The following ABCC6 variants were observed in gnomAD, a reference collection of about 807,000 sequenced individuals.
ABCC6 encodes the protein ATP binding cassette subfamily C member 6, also known as ATP-binding cassette sub-family C member 6.
Under a neutral mutation model 169.5 loss-of-function variants are expected in ABCC6, and 126 were observed. The ratio of observed to expected loss-of-function variants is 0.74; its 90% confidence interval spans 0.64 to 0.86. The LOEUF (loss-of-function observed/expected upper bound fraction) is 0.86, where lower values mean the gene tolerates loss of function less well. Among genes scored for constraint, ABCC6 ranks in the 40% least tolerant of loss-of-function variants. The pLI, the probability that ABCC6 is intolerant of heterozygous loss-of-function variation, is 0.00. For missense variants in ABCC6, 1,733 were observed against 1,927.2 expected (o/e 0.90, Z 1.89); for synonymous variants, 752 against 814.7 (o/e 0.92, Z 1.31).
At chr16:16,159,737 G>A (rs1034126745) in intron 25 of ABCC6, among the ~76,000 whole-genome samples, 154 bp from the exon 26 acceptor site, 2 of 152,210 alleles carry the variant, frequency 1.3e-5, no homozygotes, top group Non-Finnish European at 2.9e-5. Flanking sequence ...GGGCCCAGGG[G>A]ATTGGGATTT....
At chr16:16,173,435 A>C in intron 20 of ABCC6, 31 bp from the exon 21 acceptor site, 1 of 1,614,022 alleles carries the variant, frequency 6.2e-7, no homozygotes, top group Non-Finnish European at 8.5e-7. Context: ...AGACAAAGTC[A>C]GTATCTCTCC....
chr16:16,165,772 C>A lies in ABCC6; in HGVS notation c.3157G>T (p.Asp1053Tyr), dbSNP rs1328285046. 1 of 1,613,728 alleles carries A rather than the reference C, an allele frequency of 6.2e-7. No homozygotes were observed. Among genetic ancestry groups the A allele is most frequent in the Non-Finnish European group, 8.5e-7 (1 of 1,180,060 alleles). ...TCTGGAATGTCCACGTCAACCGTGTCTGTCTCCTTGGAGAAGCGGTTTAGC... is the reference window on the plus strand; with the variant it reads ...TCTGGAATGTCCACGTCAACCGTGTATGTCTCCTTGGAGAAGCGGTTTAGC... Reference protein sequence around the residue: ...HLLNRFSKETDTVDVDIPDKL... With the variant: ...HLLNRFSKETYTVDVDIPDKL... The change falls in exon 23 of 31, where the codon GAC becomes TAC. Residue 1053 changes from aspartate (D) to tyrosine (Y), a missense_variant. Physicochemically the swap from Asp to Tyr is radical, Grantham distance 160 (BLOSUM62 -3). This residue lies in a region of ABCC6 where 1,601 missense variants were observed against 1,635.5 expected (regional missense o/e 0.98). Coordinates refer to ENST00000205557, the MANE Select transcript of ABCC6 (RefSeq NM_001171.6).
chr16:16,213,533 C>G (rs4238626), intron 5 of ABCC6, among the ~76,000 whole-genome samples: 38 of 151,494 alleles, frequency 2.5e-4, no homozygotes, highest in Admixed American at 1.5e-3. Flanking sequence ...GAGCACTTAC[C>G]CCAAGGGTAA....
At chr16:16,179,606 T>C (rs550343538) in intron 17 of ABCC6, among the ~76,000 whole-genome samples, 1 of 152,294 alleles carries the variant, frequency 6.6e-6, no homozygotes, top group East Asian at 1.9e-4. Flanking sequence ...TTGTTATTAT[T>C]GAGATGGAGT....
chr16:16,150,572 C>G lies in ABCC6; in HGVS notation c.4403+6G>C. 1 of 1,606,290 alleles carries G rather than the reference C, an allele frequency of 6.2e-7. No homozygotes were observed. Among genetic ancestry groups the G allele is most frequent in the South Asian group, 1.1e-5 (1 of 90,914 alleles). On this transcript the variant is annotated splice_donor_region_variant and intron_variant, in intron 30 of 30. Coordinates refer to ENST00000205557, the MANE Select transcript of ABCC6 (RefSeq NM_001171.6). ...CTGTGAGGTCAGGCCGGGGCGGGAG[C>G]CTTACCGGGCACAGTCCATCACGGA...
intron 15 of ABCC6, among the ~76,000 whole-genome samples, chr16:16,183,132 G>A (rs2047536099): frequency 1.3e-5 from 2 of 152,144 alleles, no homozygotes; most frequent in Admixed American, 6.5e-5. Flanking sequence ...TGCACACAAA[G>A]CGTGCACACA....
intron 7 of ABCC6, 55 bp downstream of exon 7, chr16:16,208,673 A>G (rs1469490629): frequency 3.7e-6 from 6 of 1,612,982 alleles, no homozygotes; most frequent in Non-Finnish European, 5.1e-6. Context: ...CACCCGGCCA[A>G]TGATGAGCTT....
At chr16:16,190,067 G>A (rs2047794819) in intron 12 of ABCC6, 97 bp downstream of exon 12, 5 of 1,295,068 alleles carry the variant, frequency 3.9e-6, no homozygotes, top group South Asian at 1.2e-5. Context: ...TGATGGACGG[G>A]GTGGTAGGAT....
chr16:16,203,674 G>T, intron 7 of ABCC6, 61 bp from the exon 8 acceptor site: 1 of 1,593,726 alleles, frequency 6.3e-7, no homozygotes, highest in South Asian at 1.1e-5. Flanking sequence ...GCCAGCGGCA[G>T]GGCCAGGCAT....
intron 29 of ABCC6, among the ~76,000 whole-genome samples, chr16:16,153,273 G>C (rs2152210465): frequency 6.6e-6 from 1 of 152,324 alleles, no homozygotes; most frequent in South Asian, 2.1e-4. Flanking sequence ...AAACGGCCAA[G>C]AGGTGGAAAC....
At chr16:16,168,308 C>T (rs745543690) in intron 22 of ABCC6, among the ~76,000 whole-genome samples, 3 of 7,060 alleles carry the variant, frequency 4.2e-4, no homozygotes, top group African/African-American at 6.6e-4. Context: ...CTGGGCAACA[C>T]GGCGAAACCG....
chr16:16,196,781 A>T (rs2048052032), intron 10 of ABCC6, among the ~76,000 whole-genome samples: 1 of 152,172 alleles, frequency 6.6e-6, no homozygotes, highest in Non-Finnish European at 1.5e-5. Flanking sequence ...AGCTCACTGC[A>T]ACTTCCACCT....
At chr16:16,210,173 G>T (rs1426629295) in intron 6 of ABCC6, among the ~76,000 whole-genome samples, 2 of 151,918 alleles carry the variant, frequency 1.3e-5, no homozygotes, top group Middle Eastern at 3.2e-3. Context: ...ATCTCACTCT[G>T]TTGCTCAGGC....
chr16:16,178,783 T>C lies in ABCC6; in HGVS notation c.2415+15A>G, dbSNP rs1173997963. On this transcript the variant is annotated intron_variant, in intron 18 of 30. Transcript: ENST00000205557. ...CCTTTGCCCTGTACTGTCTGACACA[T>C]GTTCCCAAACTTACTGTTCCCTGGA... 6.2e-7 allele frequency: 1 copy of C among 1,613,864 alleles called. No individual in the cohort carries two copies. The highest frequency in any genetic ancestry group is 8.5e-7 in the Non-Finnish European group (1 of 1,180,006).
chr16:16,168,295 A>AG (rs370962344), intron 22 of ABCC6, among the ~76,000 whole-genome samples: 53 of 151,542 alleles, frequency 3.5e-4, no homozygotes, highest in South Asian at 6.3e-4. Context: ...GTTTGAGACC[A>AG]GCCTGGGCAA....
chr16:16,158,940 T>C (rs1216169333), intron 26 of ABCC6, among the ~76,000 whole-genome samples: 2 of 152,308 alleles, frequency 1.3e-5, no homozygotes, highest in African/African-American at 4.8e-5. Flanking sequence ...GTTTTGTTTC[T>C]ATCATGTTAC....
intron 10 of ABCC6, 123 bp downstream of exon 10, chr16:16,197,898 C>A: frequency 5.1e-6 from 6 of 1,178,950 alleles, no homozygotes; most frequent in South Asian, 1.4e-5. Context: ...GGGGTCACAG[C>A]GGACCTCTTC....
rs1224251243 is a variant in ABCC6, at chr16:16,154,711, C to G, written c.4125G>C (p.Leu1375=). ...EHSDEAIWAA[L]ETVQLKALVA... ...CCAAGGCTTTGAGCTGCACCGTCTC[C>G]AGGGCTGCCCAGATAGCCTCGTCCG... The change falls in exon 29 of 31, where the codon CTG becomes CTC. Residue 1375 remains leucine (L), a synonymous_variant. Coordinates refer to ENST00000205557, the MANE Select transcript of ABCC6 (RefSeq NM_001171.6). 9 of 1,613,514 alleles carry G rather than the reference C, an allele frequency of 5.6e-6. No individual in the cohort carries two copies. The highest frequency in any genetic ancestry group is 6.8e-6 in the Non-Finnish European group (8 of 1,179,932).
At chr16:16,178,077 G>A (rs2047342453) in intron 18 of ABCC6, among the ~76,000 whole-genome samples, 1 of 151,844 alleles carries the variant, frequency 6.6e-6, no homozygotes, top group Admixed American at 6.6e-5. Flanking sequence ...TGTAATCCCA[G>A]CACTTTGGGA....
Sources: gnomAD v4.1 joint callset for allele counts (sites outside exome capture counted in the v4.1 genomes callset) on GRCh38, gnomAD v4.1.1 for gene constraint, gnomAD v4.1.1 regional missense constraint, MANE v1.5 for transcripts, NCBI Gene and HGNC (gene_info 2026-07-23, HGNC 2026-07-21) for gene names.